The following FOXJ3 variants were observed in gnomAD, a reference collection of about 807,000 sequenced individuals.
FOXJ3 encodes forkhead box J3.
A neutral mutation model predicts 76.1 loss-of-function variants in FOXJ3; 22 were observed. That is an observed-to-expected ratio of 0.29 (90% CI 0.21 to 0.41). FOXJ3 has a LOEUF of 0.41. Among genes scored for constraint, FOXJ3 ranks in the 10% least tolerant of loss-of-function variants. The pLI is 1.00. For synonymous variants in FOXJ3, 269 were observed against 261.2 expected (o/e 1.03, Z -0.29); for missense variants, 613 against 762.1 (o/e 0.80, Z 2.30).
intron 7 of FOXJ3, among the ~76,000 whole-genome samples, chr1:42,196,791 T>C (rs1458858342): frequency 6.6e-6 from 1 of 152,230 alleles, no homozygotes; most frequent in African/African-American, 2.4e-5. Context: ...GCTGTGTCTG[T>C]CATCTAGTTC....
chr1:42,320,973 A>G (rs1655397012), intron 1 of FOXJ3, among the ~76,000 whole-genome samples: 1 of 152,184 alleles, frequency 6.6e-6, no homozygotes, highest in Admixed American at 6.5e-5. Context: ...TGAAAAGTCC[A>G]CTGAACCTAA....
In FOXJ3 at chr1:42,210,121, C is replaced by T. The variant is rs946921132; in HGVS notation, c.529-4258G>A. ...CGTGGGAGCTGAGTGGGGCTTAATG[C>T]CATTTGCTACACCCGATGCCCCATG... On this transcript the variant is annotated intron_variant, in intron 5 of 12. Coordinates refer to ENST00000361346, the MANE Select transcript of FOXJ3 (RefSeq NM_014947.5). 2.6e-5 allele frequency among the ~76,000 whole-genome samples: 4 copies of T among 152,274 alleles called. No homozygotes were observed. The East Asian group carries it at 5.8e-4, about 22-fold the overall frequency.
intron 4 of FOXJ3, among the ~76,000 whole-genome samples, chr1:42,263,745 A>T (rs753871521): frequency 9.9e-5 from 15 of 152,168 alleles, no homozygotes; most frequent in Non-Finnish European, 2.1e-4. Flanking sequence ...ACAGTCTAAC[A>T]GAGGATACAG....
chr1:42,289,890 T>C (rs1239686784), intron 2 of FOXJ3, among the ~76,000 whole-genome samples: 1 of 152,126 alleles, frequency 6.6e-6, no homozygotes, highest in Admixed American at 6.5e-5. Flanking sequence ...ACTGAGTCTT[T>C]TACACAAAAC....
chr1:42,281,977 T>C (rs1352536700), intron 2 of FOXJ3, among the ~76,000 whole-genome samples: 3 of 151,756 alleles, frequency 2.0e-5, no homozygotes, highest in South Asian at 2.1e-4. Flanking sequence ...GAGAATCACT[T>C]GAACCCAGGA....
intron 5 of FOXJ3, among the ~76,000 whole-genome samples, chr1:42,214,175 CA>C (rs1334587014): frequency 4.0e-5 from 6 of 150,194 alleles, no homozygotes; most frequent in East Asian, 3.9e-4. Flanking sequence ...ATTAAACAAA[CA>C]AAAAAAAAGC....
At position 42,199,229 on chromosome 1, in the gene FOXJ3, ACC is replaced by A; in HGVS notation, c.631-1_631del. On this transcript the variant is annotated splice_acceptor_variant and coding_sequence_variant, in exon 7 of 13. Coordinates refer to ENST00000361346, the MANE Select transcript of FOXJ3 (RefSeq NM_014947.5). LOFTEE classifies it high-confidence loss of function. ...ATCCTGATCAGTGTTATACAATGTT[ACC>A]TAAAATGAAAAAAGAAAAATGACAA... The A allele has an allele frequency of 6.2e-7, 1 of 1,609,756 alleles. No individual in the cohort carries two copies.
chr1:42,196,561 C>T (rs1011212942), intron 7 of FOXJ3, among the ~76,000 whole-genome samples: 54 of 152,170 alleles, frequency 3.5e-4, no homozygotes, highest in African/African-American at 1.1e-3. Flanking sequence ...TGTGTGGTGG[C>T]TCACGCCTGC....
chr1:42,183,307 GT>G (rs1404027506), intron 11 of FOXJ3, among the ~76,000 whole-genome samples: 2 of 96,112 alleles, frequency 2.1e-5, no homozygotes, highest in Admixed American at 1.1e-4. Flanking sequence ...GCGGGGCGGG[GT>G]GGGGGAGGGG....
At chr1:42,285,654 G>C (rs1653006845) in intron 2 of FOXJ3, among the ~76,000 whole-genome samples, 1 of 152,160 alleles carries the variant, frequency 6.6e-6, no homozygotes, top group Admixed American at 6.5e-5. Flanking sequence ...TGGCCATTGA[G>C]GATAGTGGAC....
intron 2 of FOXJ3, among the ~76,000 whole-genome samples, chr1:42,289,777 T>G (rs1220131247): frequency 6.6e-6 from 1 of 152,150 alleles, no homozygotes; most frequent in East Asian, 1.9e-4. Context: ...CTCATTATGA[T>G]TACCTGAGTT....
chr1:42,277,083 A>G (rs918666444), intron 3 of FOXJ3, among the ~76,000 whole-genome samples: 9 of 152,214 alleles, frequency 5.9e-5, no homozygotes, highest in Non-Finnish European at 1.3e-4. Context: ...TGAAATATAC[A>G]TGGGAACCTT....
intron 3 of FOXJ3, among the ~76,000 whole-genome samples, chr1:42,272,346 T>C (rs1477179012): frequency 6.6e-6 from 1 of 152,188 alleles, no homozygotes; most frequent in Non-Finnish European, 1.5e-5. Flanking sequence ...GGAAGTAAAA[T>C]AGAACAAGGC....
intron 5 of FOXJ3, among the ~76,000 whole-genome samples, chr1:42,227,490 C>G (rs1181027131): frequency 6.6e-6 from 1 of 152,102 alleles, no homozygotes; most frequent in African/African-American, 2.4e-5. Context: ...ATGGACAGAA[C>G]CAGGAAAAGG....
chr1:42,264,000 G>A (rs1316913676), intron 4 of FOXJ3, among the ~76,000 whole-genome samples: 1 of 128,094 alleles, frequency 7.8e-6, no homozygotes, highest in African/African-American at 2.9e-5. Flanking sequence ...ATAAACTGGA[G>A]GGATCGAGCC....
chr1:42,198,167 T>A (rs1646689920), intron 7 of FOXJ3, among the ~76,000 whole-genome samples: 1 of 152,192 alleles, frequency 6.6e-6, no homozygotes, highest in Non-Finnish European at 1.5e-5. Context: ...ACAACTATAA[T>A]TCTCAGTTCT....
intron 1 of FOXJ3, among the ~76,000 whole-genome samples, chr1:42,324,111 C>CTGTGTATATAT: frequency 3.6e-5 from 1 of 27,510 alleles, no homozygotes; most frequent in South Asian, 1.2e-3. Context: ...TGTGTATATA[C>CTGTGTATATAT]ACTGTATATA....
chr1:42,239,984 G>A (rs1480918660), intron 4 of FOXJ3, among the ~76,000 whole-genome samples: 1 of 152,156 alleles, frequency 6.6e-6, no homozygotes, highest in Non-Finnish European at 1.5e-5. Context: ...TGATTTTAAA[G>A]GTCCTTTTCT....
chr1:42,297,177 G>A (rs558699969), intron 2 of FOXJ3, among the ~76,000 whole-genome samples: 10 of 152,242 alleles, frequency 6.6e-5, no homozygotes, highest in South Asian at 2.1e-4. Flanking sequence ...AAACTTCAAC[G>A]AAGTCTAGGA....
Sources: allele counts gnomAD v4.1 joint callset (sites outside exome capture counted in the v4.1 genomes callset), GRCh38; gene constraint gnomAD v4.1.1; transcripts MANE v1.5; gene names NCBI Gene and HGNC (gene_info 2026-07-23, HGNC 2026-07-21).